Variants in MFHAS1 observed in about 807,000 individuals in gnomAD.
MFHAS1 encodes the protein malignant fibrous histiocytoma-amplified sequence 1.
Under a neutral mutation model 70.4 loss-of-function variants are expected in MFHAS1, and 50 were observed. The observed-to-expected ratio is 0.71, with a 90% CI of 0.57 to 0.90. The LOEUF (loss-of-function observed/expected upper bound fraction) is 0.90. Ranked by LOEUF, MFHAS1 falls within the 40% of genes least tolerant of loss-of-function variation. The pLI is 0.00. For synonymous variants in MFHAS1, 952 were observed against 620.0 expected, an observed-to-expected ratio of 1.54 and a Z score of -7.96; for missense variants, 1,795 against 1,347.6, an observed-to-expected ratio of 1.33 and a Z score of -5.20.
intron 1 of MFHAS1, among the ~76,000 whole-genome samples, chr8:8,819,550 G>C (rs1292640871): frequency 7.0e-6 from 1 of 141,954 alleles, no homozygotes; most frequent in Non-Finnish European, 1.5e-5. Context: ...CTTGCAGTGA[G>C]CCAAGATCAC....
At chr8:8,840,358 G>A (rs931847337) in intron 1 of MFHAS1, among the ~76,000 whole-genome samples, 3 of 151,654 alleles carry the variant, frequency 2.0e-5, no homozygotes, top group Non-Finnish European at 2.9e-5. Flanking sequence ...TCAGGAGGCT[G>A]AGGCATGAGA....
chr8:8,811,311 A>AC (rs1563184279), intron 1 of MFHAS1, among the ~76,000 whole-genome samples: 2 of 136,486 alleles, frequency 1.5e-5, no homozygotes, highest in African/African-American at 6.8e-5. Flanking sequence ...CCAGAATAAA[A>AC]ATTTTTTTTT....
intron 1 of MFHAS1, among the ~76,000 whole-genome samples, chr8:8,825,287 G>A (rs1488579633): frequency 6.6e-6 from 1 of 152,148 alleles, no homozygotes; most frequent in African/African-American, 2.4e-5. Flanking sequence ...ATTCTCCGGC[G>A]TCAGCCTCCA....
At chr8:8,849,064 C>CTTTTTTTTTTTTTTTTTTT (rs145250762) in intron 1 of MFHAS1, among the ~76,000 whole-genome samples, 2 of 75,772 alleles carry the variant, frequency 2.6e-5, no homozygotes, top group African/African-American at 9.6e-5. Context: ...TCCTTTTTAC[C>CTTTTTTTTTTTTTTTTTTT]TTTTTTTTTT....
rs1430907581 is a variant in MFHAS1 at position 8,892,162 on chromosome 8, C to T, written c.897G>A (p.Glu299=). 6.2e-7 allele frequency: 1 copy of T among 1,610,880 alleles called. No homozygotes were observed. The highest frequency in any genetic ancestry group is 2.2e-5 in the East Asian group (1 of 44,882). ...PAALLPLAGL[E]ELYLSRNQLT... ...GCTGGTTGCGACTAAGGTAGAGCTC[C>T]TCCAGACCAGCCAGGGGCAGCAGCG... The change falls in exon 1 of 3, where the codon GAG becomes GAA. Residue 299 remains glutamate, a synonymous_variant. Coordinates refer to ENST00000276282, the MANE Select transcript of MFHAS1 (RefSeq NM_004225.3). This position sits in a 1 kb window ranked among gnomAD's most constrained non-coding sequence, Gnocchi z 4.7.
intron 1 of MFHAS1, among the ~76,000 whole-genome samples, chr8:8,801,915 G>A (rs1184014391): frequency 6.6e-6 from 1 of 152,198 alleles, no homozygotes; most frequent in African/African-American, 2.4e-5. Context: ...TGATTCACAG[G>A]ACTGGGAAAG....
chr8:8,882,066 C>A (rs1809546746), intron 1 of MFHAS1, among the ~76,000 whole-genome samples: 1 of 152,054 alleles, frequency 6.6e-6, no homozygotes. Flanking sequence ...ACAATGGCTT[C>A]CTTTAAAATG....
chr8:8,847,822 T>G (rs980945553), intron 1 of MFHAS1, among the ~76,000 whole-genome samples: 1 of 152,222 alleles, frequency 6.6e-6, no homozygotes. Flanking sequence ...ATTCATTCAT[T>G]AAGGGATGCT....
intron 1 of MFHAS1, among the ~76,000 whole-genome samples, chr8:8,848,745 G>T (rs572677657): frequency 6.6e-6 from 1 of 152,288 alleles, no homozygotes; most frequent in East Asian, 1.9e-4. Context: ...GCAAACAAAT[G>T]AAAAACACAG....
intron 1 of MFHAS1, among the ~76,000 whole-genome samples, chr8:8,837,148 C>A (rs557839471): frequency 1.7e-4 from 26 of 152,250 alleles, no homozygotes; most frequent in African/African-American, 5.3e-4. Flanking sequence ...ATGTAATTAG[C>A]AACTAGATGT....
intron 2 of MFHAS1, among the ~76,000 whole-genome samples, chr8:8,794,542 A>G (rs1805828978): frequency 6.6e-6 from 1 of 152,204 alleles, no homozygotes; most frequent in Non-Finnish European, 1.5e-5. Context: ...GCTCGAGCAC[A>G]GGCTTCACAT....
intron 1 of MFHAS1, among the ~76,000 whole-genome samples, chr8:8,851,494 A>G (rs1269881600): frequency 3.9e-5 from 6 of 152,232 alleles, no homozygotes; most frequent in Admixed American, 3.9e-4. Context: ...CTACGTGTGG[A>G]GTTGTTATCT....
chr8:8,846,777 C>T (rs1339619320), intron 1 of MFHAS1, among the ~76,000 whole-genome samples: 1 of 152,026 alleles, frequency 6.6e-6, no homozygotes, highest in African/African-American at 2.4e-5. Flanking sequence ...CTGAATTAGC[C>T]CTCCTAGACA....
In MFHAS1 at chr8:8,785,412, T is replaced by A. The variant is rs1167537650; in HGVS notation, c.*610A>T. ...ATTTTTTTTTTAATGTGAAGAGGAT[T>A]AAAGAATAAAGAAAAAACAAAAAAG... On this transcript the variant is annotated 3_prime_UTR_variant, in exon 3 of 3. Transcript: ENST00000276282. The A allele has an allele frequency of 6.6e-6, 1 of 151,826 alleles. No individual in the cohort carries two copies. The highest frequency in any genetic ancestry group is 2.4e-5 in the African/African-American group (1 of 41,124). The allele number at this position is 151,826 out of a possible 1,614,324, so 9.4% of individuals were successfully genotyped here.
rs987958667 is a variant in MFHAS1, at chr8:8,893,130, C to T, written c.-72G>A. The stretch of plus-strand genomic sequence containing the variant: ...GCTACATGCCGCGCCGCGCCCCGGG[C>T]CCTCCGGCTCCTGCCCCTGCCTGCC... On this transcript the variant is annotated 5_prime_UTR_variant, in exon 1 of 3. Coordinates refer to ENST00000276282, the MANE Select transcript of MFHAS1 (RefSeq NM_004225.3). 2.2e-4 allele frequency: 248 copies of T among 1,133,240 alleles called. No homozygotes were observed. Among genetic ancestry groups the T allele is most frequent in the Non-Finnish European group, 2.8e-4 (244 of 866,134 alleles). The allele number at this position is 1,133,240 out of a possible 1,614,324, so 70.2% of individuals were successfully genotyped here.
chr8:8,892,921 G>C lies in MFHAS1; in HGVS notation c.138C>G (p.Asp46Glu), dbSNP rs748941285. The part of the protein sequence containing the change: ...AAGACPGAGA[D>E]ALESPASPQL... ...GGGGGGAGGCGGGGGACTCGAGCGC[G>C]TCGGCCCCGGCCCCGGGGCAGGCCC... Residue 46 changes from aspartate to glutamate, a missense_variant, in exon 1 of 3, where the codon GAC becomes GAG. Transcript: ENST00000276282. The surrounding 1 kb of genome is among the most constrained non-coding windows in gnomAD (Gnocchi z 4.7). The C allele has an allele frequency of 1.9e-6, 3 of 1,556,356 alleles. No homozygotes were observed. The highest frequency in any genetic ancestry group is 1.9e-5 in the Admixed American group (1 of 51,510).
chr8:8,809,614 C>A (rs1337660432), intron 1 of MFHAS1, among the ~76,000 whole-genome samples: 3 of 152,166 alleles, frequency 2.0e-5, no homozygotes, highest in African/African-American at 7.2e-5. Flanking sequence ...CAAATCCACC[C>A]AAGAAAGGAA....
At chr8:8,841,562 G>GT (rs1261406059) in intron 1 of MFHAS1, among the ~76,000 whole-genome samples, 2 of 152,160 alleles carry the variant, frequency 1.3e-5, no homozygotes, top group African/African-American at 4.8e-5. Context: ...CATGCTGAAT[G>GT]TAAGAGGCCT....
rs149181304 is a variant in MFHAS1 at position 8,850,811 on chromosome 8, C to CA, written c.2998+39249dup. Among the ~76,000 whole-genome samples the CA allele has an allele frequency of 5.3e-3, 556 of 105,394 alleles. 3 individuals are homozygous for CA. Among genetic ancestry groups the CA allele is most frequent in the Non-Finnish European group, 6.9e-3 (359 of 52,224 alleles). 69.1% of individuals were successfully genotyped at this position (105,394 alleles called of 152,430 possible). On this transcript the variant is annotated intron_variant, in intron 1 of 2. Transcript: ENST00000276282. The stretch of plus-strand genomic sequence containing the variant: ...GGGCAACAGGAGTGAAACTCCGTCT[C>CA]AAAAAAAAAAAAAAAAAAAAAAATC...
Sources: allele counts gnomAD v4.1 joint callset (sites outside exome capture counted in the v4.1 genomes callset), GRCh38; gene constraint gnomAD v4.1.1; non-coding constraint Gnocchi (gnomAD v3.1); transcripts MANE v1.5; gene names NCBI Gene and HGNC (gene_info 2026-07-23, HGNC 2026-07-21).